MYO1B: variants seen among roughly 807,000 people sequenced by gnomAD.
MYO1B encodes the protein unconventional myosin-Ib.
A neutral mutation model predicts 159.7 loss-of-function variants in MYO1B; 72 were observed. That is an observed-to-expected ratio of 0.45 (90% CI 0.37 to 0.55). MYO1B has a LOEUF of 0.55. MYO1B is among the 20% of genes least tolerant of loss of function. The pLI is 0.00. For synonymous variants in MYO1B, 468 were observed against 473.8 expected, an observed-to-expected ratio of 0.99 and a Z score of 0.16; for missense variants, 1,062 against 1,364.8, an observed-to-expected ratio of 0.78 and a Z score of 3.50.
chr2:191,390,531 T>C (rs1695683813), intron 18 of MYO1B, 39 bp downstream of exon 18: 1 of 1,581,896 alleles, frequency 6.3e-7, no homozygotes, highest in Non-Finnish European at 8.6e-7. Flanking sequence ...ATGAATGTTT[T>C]AAGTGGTCAA....
At chr2:191,350,988 C>T (rs1559191568) in intron 7 of MYO1B, among the ~76,000 whole-genome samples, 1 of 151,974 alleles carries the variant, frequency 6.6e-6, no homozygotes, top group Non-Finnish European at 1.5e-5. Flanking sequence ...GTCCCTGCTC[C>T]TCTTGACTCG....
intron 4 of MYO1B, among the ~76,000 whole-genome samples, chr2:191,336,161 A>G (rs1691822239): frequency 6.6e-6 from 1 of 152,194 alleles, no homozygotes; most frequent in Admixed American, 6.5e-5. Flanking sequence ...GTTAGGAAAC[A>G]TAATTATTTG....
chr2:191,296,110 G>T lies in MYO1B; in HGVS notation c.136-1G>T. On this transcript the variant is annotated splice_acceptor_variant, in intron 2 of 30. Coordinates refer to ENST00000392318, the MANE Select transcript of MYO1B (RefSeq NM_001130158.3). LOFTEE classifies it high-confidence loss of function. ...GGCATGTTTTGTTCTTTCTTTTGCA[G>T]ACATACATTGGAAGTGTGGTTATAT... 1 of 1,553,792 alleles carries T rather than the reference G, an allele frequency of 6.4e-7. No individual in the cohort carries two copies. The highest frequency in any genetic ancestry group is 8.8e-7 in the Non-Finnish European group (1 of 1,135,412).
At chr2:191,418,553 G>C (rs190743170) in intron 30 of MYO1B, among the ~76,000 whole-genome samples, 1 of 144,916 alleles carries the variant, frequency 6.9e-6, no homozygotes, top group African/African-American at 2.6e-5. Context: ...GCAGTGGCAC[G>C]ATCTTGGCTC....
At chr2:191,255,222 C>G (rs764656990) in intron 1 of MYO1B, among the ~76,000 whole-genome samples, 1 of 152,202 alleles carries the variant, frequency 6.6e-6, no homozygotes, top group Non-Finnish European at 1.5e-5. Context: ...AGGCACTACA[C>G]CCATCCTGTA....
intron 16 of MYO1B, 77 bp from the exon 17 acceptor site, chr2:191,387,147 C>A (rs990065606): frequency 2.8e-6 from 4 of 1,413,720 alleles, no homozygotes; most frequent in Middle Eastern, 1.8e-4. Flanking sequence ...TGTAGATAGT[C>A]TTGGAGTATT....
intron 7 of MYO1B, among the ~76,000 whole-genome samples, chr2:191,360,193 C>T (rs775994944): frequency 4.6e-5 from 7 of 152,260 alleles, no homozygotes; most frequent in Admixed American, 1.3e-4. Flanking sequence ...TGGGAGGATT[C>T]AGTGAGATAC....
rs117412722 is a variant in MYO1B at position 191,353,891 on chromosome 2, T to A, written c.562+3666T>A. Among the ~76,000 whole-genome samples the A allele has an allele frequency of 1.2e-3, 189 of 152,344 alleles. 1 individual carries two copies. Among genetic ancestry groups the A allele is most frequent in the Admixed American group, 8.4e-3 (129 of 15,306 alleles). ...AGTTATTTGTTTATTGTCTCTAGCC[T>A]TTCACCAAATACATGCTCTATAAGG... is the stretch of plus-strand genomic sequence containing the variant. On this transcript the variant is annotated intron_variant, in intron 7 of 30. Coordinates refer to ENST00000392318, the MANE Select transcript of MYO1B (RefSeq NM_001130158.3).
chr2:191,348,917 C>T (rs1692741771), intron 6 of MYO1B, among the ~76,000 whole-genome samples: 1 of 152,162 alleles, frequency 6.6e-6, no homozygotes. Context: ...GCCTTGTTTC[C>T]CACTCATCCT....
intron 3 of MYO1B, among the ~76,000 whole-genome samples, chr2:191,317,284 A>G (rs1386486560): frequency 6.6e-6 from 1 of 152,128 alleles, no homozygotes; most frequent in Non-Finnish European, 1.5e-5. Flanking sequence ...TTCAAAGGGG[A>G]CCTAGAGAAC....
At chr2:191,247,697 C>G (rs965486769) in intron 1 of MYO1B, among the ~76,000 whole-genome samples, 1 of 152,230 alleles carries the variant, frequency 6.6e-6, no homozygotes, top group African/African-American at 2.4e-5. Flanking sequence ...TTATAAAATA[C>G]AACACGATTG....
At chr2:191,274,790 G>A (rs1393149216) in intron 1 of MYO1B, among the ~76,000 whole-genome samples, 4 of 152,150 alleles carry the variant, frequency 2.6e-5, no homozygotes, top group Non-Finnish European at 5.9e-5. Context: ...AGCATGGCAC[G>A]TGCCTCCCAC....
chr2:191,333,531 C>T (rs752655168), intron 4 of MYO1B, among the ~76,000 whole-genome samples: 6 of 152,158 alleles, frequency 3.9e-5, no homozygotes, highest in Non-Finnish European at 8.8e-5. Flanking sequence ...ATACCAGGCT[C>T]TCTCTTCCTT....
intron 2 of MYO1B, among the ~76,000 whole-genome samples, chr2:191,280,050 A>G (rs73058661): frequency 6.6e-6 from 1 of 152,030 alleles, no homozygotes; most frequent in African/African-American, 2.4e-5. Flanking sequence ...CCCTCCCCCA[A>G]CATATTTAGA....
At chr2:191,375,958 C>CAAA (rs56036551) in intron 13 of MYO1B, among the ~76,000 whole-genome samples, 2 of 106,326 alleles carry the variant, frequency 1.9e-5, no homozygotes, top group African/African-American at 6.6e-5. Context: ...GACTCCGTAT[C>CAAA]AAAAAAAAAA....
In MYO1B at chr2:191,400,450, A is replaced by C. The variant is rs1696537817; in HGVS notation, c.2364A>C (p.Ala788=). 1.9e-6 allele frequency: 3 copies of C among 1,614,162 alleles called. No homozygotes were observed. The highest frequency in any genetic ancestry group is 1.3e-5 in the African/African-American group (1 of 75,032). Residue 788 remains alanine (A), a synonymous_variant, in exon 22 of 31, where the codon GCA becomes GCC. Transcript: ENST00000392318. Reference sequence around the variant, plus strand: ...AGGAAGCAGTCACGACCATTGCTGCATATTGGCATGGGACCCAGGTAGGCC... The same window carrying C: ...AGGAAGCAGTCACGACCATTGCTGCCTATTGGCATGGGACCCAGGTAGGCC... ...RCKEAVTTIA[A]YWHGTQARRE...
At chr2:191,319,461 A>G (rs1690560759) in intron 3 of MYO1B, among the ~76,000 whole-genome samples, 1 of 152,114 alleles carries the variant, frequency 6.6e-6, no homozygotes, top group African/African-American at 2.4e-5. Context: ...TGAGTCACTG[A>G]TTTTCTTTTT....
intron 30 of MYO1B, among the ~76,000 whole-genome samples, chr2:191,422,809 T>A (rs1188033522): frequency 6.6e-6 from 1 of 152,186 alleles, no homozygotes; most frequent in Admixed American, 6.5e-5. Flanking sequence ...AATTTGTTGA[T>A]AATTTAATAG....
chr2:191,297,702 T>C (rs926264109), intron 3 of MYO1B, among the ~76,000 whole-genome samples: 1 of 152,210 alleles, frequency 6.6e-6, no homozygotes, highest in African/African-American at 2.4e-5. Context: ...TGAAAATGGT[T>C]AAGCTGGCAA....
Sources: gnomAD v4.1 joint callset for allele counts (sites outside exome capture counted in the v4.1 genomes callset) on GRCh38, gnomAD v4.1.1 for gene constraint, MANE v1.5 for transcripts, NCBI Gene and HGNC (gene_info 2026-07-23, HGNC 2026-07-21) for gene names.